USP9X: variants seen among roughly 807,000 people sequenced by gnomAD.
The protein encoded by USP9X is ubiquitin specific peptidase 9 X-linked.
Under a neutral mutation model 190.3 loss-of-function variants are expected in USP9X, and 7 were observed. The observed-to-expected ratio is 0.04, with a 90% CI of 0.02 to 0.07. The LOEUF (loss-of-function observed/expected upper bound fraction) is 0.07, where lower values mean the gene tolerates loss of function less well. Ranked by LOEUF, USP9X falls within the 10% of genes least tolerant of loss-of-function variation. The probability of loss-of-function intolerance (pLI) is 1.00; values close to 1 mark genes in which losing one functional copy is unlikely to be tolerated. For missense variants in USP9X, 1,010 were observed against 1,916.9 expected (o/e 0.53, Z 8.83); for synonymous variants, 645 against 659.5 (o/e 0.98, Z 0.34).
intron 21 of USP9X, among the ~76,000 whole-genome samples, chrX:41,183,165 C>G (rs1421984434): frequency 2.7e-5 from 3 of 110,109 alleles, no homozygotes; most frequent in Admixed American, 9.6e-5. Flanking sequence ...TCTCGAACAC[C>G]TGACCTCAGG....
At position 41,232,635 on chromosome X, in the gene USP9X, A is replaced by G. The variant is rs1351873608; in HGVS notation, c.*111A>G. The G allele has an allele frequency of 5.0e-6, 5 of 991,482 alleles. No homozygotes were observed. The highest frequency in any genetic ancestry group is 2.6e-5 in the South Asian group (1 of 38,864). 81.7% of individuals were successfully genotyped at this position (991,482 alleles called of 1,213,427 possible). A position where few individuals can be genotyped will look rare whatever the true frequency, so the allele number is the denominator to read the frequency against. On this transcript the variant is annotated 3_prime_UTR_variant, in exon 45 of 45. Coordinates refer to ENST00000378308, the MANE Select transcript of USP9X (RefSeq NM_001039591.3). ...ACTAGAAAAACTATTCCTAATCAAC[A>G]TGGAGTGGAGAGTTTATTCACTGTC...
intron 10 of USP9X, among the ~76,000 whole-genome samples, chrX:41,143,863 G>A (rs1285547290): frequency 8.9e-6 from 1 of 111,836 alleles, no homozygotes; most frequent in Non-Finnish European, 1.9e-5. Flanking sequence ...AGAAGGATTA[G>A]TAACCTTTTT....
chrX:41,134,474 A>G (rs770605868), intron 4 of USP9X, among the ~76,000 whole-genome samples: 13 of 112,710 alleles, frequency 1.2e-4, no homozygotes, highest in Non-Finnish European at 2.4e-4. Flanking sequence ...TTCAGGGAGC[A>G]AAATACTATT....
At chrX:41,202,466 C>T (rs183832610) in intron 31 of USP9X, among the ~76,000 whole-genome samples, 73 of 112,266 alleles carry the variant, frequency 6.5e-4, no homozygotes, top group Non-Finnish European at 1.2e-3. Context: ...ATAGTGGGAA[C>T]TGAAGAGAGA....
Position 41,141,153 on chromosome X carries a change from A to G in USP9X, c.958A>G (p.Arg320Gly), listed in dbSNP as rs776708345. 5 of 1,200,907 alleles carry G rather than the reference A, an allele frequency of 4.2e-6. No homozygotes were observed. In the Admixed American group the frequency reaches 8.9e-5, roughly 21 times the overall value. Residue 320 changes from arginine to glycine, a missense_variant, in exon 8 of 45, where the codon AGG (arginine) becomes GGG (glycine). Physicochemically the swap from Arg to Gly is moderately radical, Grantham distance 125 (BLOSUM62 -2). Around this residue, in one of 11 missense-constraint regions of USP9X, gnomAD observed 176 missense variants for 247.5 expected, o/e 0.71. Transcript: ENST00000378308. Reference sequence around the variant, plus strand: ...TAAATCTTTGAAGAATTTAGCTTCAAGGGTTCCAGGACAAGAAGAAACTGT... The same window carrying G: ...TAAATCTTTGAAGAATTTAGCTTCAGGGGTTCCAGGACAAGAAGAAACTGT... Reference protein sequence around the residue: ...IIKSLKNLASRVPGQEETVKN... With the variant: ...IIKSLKNLASGVPGQEETVKN...
intron 21 of USP9X, among the ~76,000 whole-genome samples, chrX:41,178,598 A>G (rs2062799899): frequency 1.8e-5 from 2 of 111,719 alleles, no homozygotes; most frequent in East Asian, 2.8e-4. Context: ...AGTTCCTTAT[A>G]TATTCTGGAT....
intron 1 of USP9X, among the ~76,000 whole-genome samples, chrX:41,101,563 G>T (rs749651580): frequency 1.8e-5 from 2 of 111,479 alleles, no homozygotes; most frequent in African/African-American, 6.5e-5. Context: ...CAGTCTCCCT[G>T]CTTCAGCCTC....
chrX:41,094,177 C>G (rs866373272), intron 1 of USP9X, among the ~76,000 whole-genome samples: 1 of 52,450 alleles, frequency 1.9e-5, no homozygotes, highest in Non-Finnish European at 3.7e-5. Flanking sequence ...AGGTGTATTT[C>G]TTTTTTCTTT....
intron 2 of USP9X, among the ~76,000 whole-genome samples, chrX:41,127,626 G>T (rs2062267558): frequency 8.9e-6 from 1 of 111,949 alleles, no homozygotes; most frequent in African/African-American, 3.2e-5. Flanking sequence ...CTTGAGACCA[G>T]CTCTGTGAGC....
intron 15 of USP9X, 95 bp from the exon 16 acceptor site, chrX:41,165,777 A>G (rs1205282163): frequency 1.5e-6 from 1 of 668,676 alleles, no homozygotes; most frequent in Admixed American, 3.6e-5. Context: ...TAGTTAAAAT[A>G]TAATGGTGAT....
At chrX:41,178,723 C>T (rs905278416) in intron 21 of USP9X, among the ~76,000 whole-genome samples, 3 of 111,391 alleles carry the variant, frequency 2.7e-5, no homozygotes, top group Admixed American at 1.9e-4. Context: ...AATGTAATTT[C>T]GTTTGTCTGT....
At chrX:41,188,550 T>G (rs1442217136) in intron 25 of USP9X, among the ~76,000 whole-genome samples, 1 of 112,296 alleles carries the variant, frequency 8.9e-6, no homozygotes, top group Non-Finnish European at 1.9e-5. Flanking sequence ...TCTATTAGAT[T>G]AAGCAAATTA....
chrX:41,207,079 CTTTTTT>C (rs34779889), intron 32 of USP9X, among the ~76,000 whole-genome samples: 1 of 30,484 alleles, frequency 3.3e-5, no homozygotes, highest in Non-Finnish European at 5.1e-5. Flanking sequence ...GCTCCCTGGC[CTTTTTT>C]TTTTTTTTTT....
intron 21 of USP9X, among the ~76,000 whole-genome samples, chrX:41,179,971 T>G (rs758884517): frequency 1.8e-5 from 2 of 112,085 alleles, no homozygotes; most frequent in East Asian, 5.6e-4. Context: ...CTTCTGTTTT[T>G]ATGTTCTTTT....
At chrX:41,102,525 A>G (rs1224012779) in intron 1 of USP9X, among the ~76,000 whole-genome samples, 4 of 111,718 alleles carry the variant, frequency 3.6e-5, no homozygotes, top group African/African-American at 1.3e-4. Context: ...TGAGAGGGTG[A>G]GGCACGAGAA....
chrX:41,165,170 T>C (rs2062668214), intron 15 of USP9X, among the ~76,000 whole-genome samples: 2 of 82,346 alleles, frequency 2.4e-5, no homozygotes, highest in African/African-American at 4.0e-5. Context: ...GTCTTTTTTC[T>C]GGTTGTTGTT....
chrX:41,201,455 T>C (rs746827950), intron 31 of USP9X, among the ~76,000 whole-genome samples, 175 bp downstream of exon 31: 84 of 111,547 alleles, frequency 7.5e-4, no homozygotes, highest in African/African-American at 2.6e-3. Context: ...GGCAGGAGGA[T>C]TGCTTGAGCC....
chrX:41,196,481 A>G (rs1451226376), intron 27 of USP9X, 111 bp from the exon 28 acceptor site: 2 of 1,082,885 alleles, frequency 1.8e-6, no homozygotes, highest in Admixed American at 2.7e-5. Flanking sequence ...ATGAAGTACT[A>G]CTTTATTTCC....
At chrX:41,218,179 T>G (rs2063229365) in intron 36 of USP9X, among the ~76,000 whole-genome samples, 193 bp from the exon 37 acceptor site, 1 of 111,466 alleles carries the variant, frequency 9.0e-6, no homozygotes, top group South Asian at 3.7e-4. Flanking sequence ...TTCACCTGTT[T>G]GGTAACTCTG....
Sources: allele counts gnomAD v4.1 joint callset (sites outside exome capture counted in the v4.1 genomes callset), GRCh38; gene constraint gnomAD v4.1.1; regional missense constraint gnomAD v4.1.1; transcripts MANE v1.5; gene names NCBI Gene and HGNC (gene_info 2026-07-23, HGNC 2026-07-21).